ERBB4: variants seen among roughly 807,000 people sequenced by gnomAD.
ERBB4 encodes the protein receptor tyrosine-protein kinase erbB-4.
Under a neutral mutation model 158.0 loss-of-function variants are expected in ERBB4, and 42 were observed. The observed-to-expected ratio is 0.27, with a 90% CI of 0.21 to 0.34. ERBB4 has a LOEUF of 0.34. Ranked by LOEUF, ERBB4 falls within the 10% of genes least tolerant of loss-of-function variation. The probability of loss-of-function intolerance (pLI) is 1.00; values close to 1 mark genes in which losing one functional copy is unlikely to be tolerated. For synonymous variants in ERBB4, 583 were observed against 558.7 expected (o/e 1.04, Z -0.61); for missense variants, 1,333 against 1,624.1 (o/e 0.82, Z 3.08).
At chr2:211,762,002 AC>A (rs888479067) in intron 4 of ERBB4, among the ~76,000 whole-genome samples, 4 of 152,208 alleles carry the variant, frequency 2.6e-5, no homozygotes, top group Admixed American at 1.3e-4. Flanking sequence ...AGGTAATGAT[AC>A]CTACTTCACA....
intron 1 of ERBB4, among the ~76,000 whole-genome samples, chr2:212,296,314 G>A (rs2086408192): frequency 6.6e-6 from 1 of 151,726 alleles, no homozygotes; most frequent in South Asian, 2.1e-4. Context: ...GATAATATAG[G>A]AGAATTATAG....
rs565637245 is a variant in ERBB4 at position 211,455,589 on chromosome 2, A to G, written c.2488-24489T>C. ...CTCTCATAATTTGGGAGTGCAAATT[A>G]AAATGATTACTTAAGAATCAAAATG... is the stretch of plus-strand genomic sequence containing the variant. On this transcript the variant is annotated intron_variant, in intron 20 of 27. Transcript: ENST00000342788. Among the ~76,000 whole-genome samples the G allele has an allele frequency of 9.2e-5, 14 of 152,370 alleles. No individual in the cohort carries two copies. In the East Asian group the frequency reaches 1.5e-3, roughly 17 times the overall value.
chr2:211,840,455 C>T (rs759518488), intron 3 of ERBB4, among the ~76,000 whole-genome samples: 1 of 152,076 alleles, frequency 6.6e-6, no homozygotes, highest in Non-Finnish European at 1.5e-5. Context: ...CGTTTGCCCT[C>T]AGCATATCAC....
At chr2:211,514,502 A>G (rs1011269746) in intron 20 of ERBB4, among the ~76,000 whole-genome samples, 2 of 152,180 alleles carry the variant, frequency 1.3e-5, no homozygotes, top group African/African-American at 2.4e-5. Flanking sequence ...AGAAGTTGCC[A>G]TTCTCAAACA....
chr2:212,432,050 G>C (rs972457102), intron 1 of ERBB4, among the ~76,000 whole-genome samples: 5 of 152,128 alleles, frequency 3.3e-5, no homozygotes, highest in African/African-American at 1.2e-4. Flanking sequence ...AATGATTAGA[G>C]CATGTATTGA....
intron 12 of ERBB4, among the ~76,000 whole-genome samples, 198 bp downstream of exon 12, chr2:211,701,756 CAAAAAAAAAAAAA>C (rs71409856): frequency 6.0e-5 from 4 of 66,646 alleles, no homozygotes; most frequent in Non-Finnish European, 9.3e-5. Context: ...GACTCCGTCT[CAAAAAAAAAAAAA>C]AAAAAAAAAA....
At chr2:211,821,741 A>C (rs896841228) in intron 3 of ERBB4, among the ~76,000 whole-genome samples, 13 of 151,968 alleles carry the variant, frequency 8.6e-5, no homozygotes, top group Non-Finnish European at 1.6e-4. Flanking sequence ...AAGCTGCTAA[A>C]AATACACATT....
chr2:211,719,350 T>C (rs562413390), intron 7 of ERBB4, among the ~76,000 whole-genome samples: 1 of 152,314 alleles, frequency 6.6e-6, no homozygotes, highest in South Asian at 2.1e-4. Context: ...GGATTATTTT[T>C]TTCTCACCTG....
chr2:212,115,561 TAAAAG>T, intron 2 of ERBB4, among the ~76,000 whole-genome samples: 1 of 152,208 alleles, frequency 6.6e-6, no homozygotes, highest in African/African-American at 2.4e-5. Flanking sequence ...TGTTCCCAAA[TAAAAG>T]AAGTAAAGAA....
chr2:212,325,492 C>T (rs1347114294), intron 1 of ERBB4, among the ~76,000 whole-genome samples: 1 of 150,666 alleles, frequency 6.6e-6, no homozygotes, highest in Non-Finnish European at 1.5e-5. Flanking sequence ...ACAGTTATAA[C>T]AGAAATGCTT....
rs866027067 is a variant in ERBB4, at chr2:211,910,802, C to T, written c.421+36628G>A. Among the ~76,000 whole-genome samples the T allele has an allele frequency of 5.9e-5, 9 of 152,144 alleles. No individual in the cohort carries two copies. The South Asian group carries it at 1.7e-3, about 28-fold the overall frequency. ...TCCTATTATTCAGACGTTATCAGCA[C>T]TAGACCCATGTAACTAAAATGAATT... On this transcript the variant is annotated intron_variant, in intron 3 of 27. Transcript: ENST00000342788.
At position 211,750,631 on chromosome 2, in the gene ERBB4, A is replaced by G. The variant is rs772037618; in HGVS notation, c.622+8T>C. On this transcript the variant is annotated splice_region_variant and intron_variant, in intron 5 of 27. Coordinates refer to ENST00000342788, the MANE Select transcript of ERBB4 (RefSeq NM_005235.3). ...CAAACCTGTGTGCTCTCACTGATGA[A>G]CACTTACAAGTCTGGCAATGATTTT... The G allele has an allele frequency of 3.1e-6, 5 of 1,612,894 alleles. No homozygotes were observed. Among genetic ancestry groups the G allele is most frequent in the Non-Finnish European group, 4.2e-6 (5 of 1,178,880 alleles).
At chr2:211,532,369 C>T (rs939892847) in intron 20 of ERBB4, among the ~76,000 whole-genome samples, 3 of 152,002 alleles carry the variant, frequency 2.0e-5, no homozygotes, top group African/African-American at 4.8e-5. Context: ...TTATGCATTG[C>T]ATACCTGTAT....
intron 3 of ERBB4, among the ~76,000 whole-genome samples, chr2:211,795,359 C>T (rs1053393558): frequency 2.6e-5 from 4 of 151,682 alleles, no homozygotes; most frequent in Admixed American, 6.6e-5. Context: ...ATTGTACTCA[C>T]GGTATCTGTC....
intron 3 of ERBB4, among the ~76,000 whole-genome samples, chr2:211,860,281 T>G (rs773546907): frequency 5.3e-5 from 8 of 152,294 alleles, no homozygotes; most frequent in Admixed American, 2.6e-4. Flanking sequence ...TTACTCCAAT[T>G]ATTTTCTAAC....
At chr2:212,233,262 A>C (rs545549457) in intron 1 of ERBB4, among the ~76,000 whole-genome samples, 2 of 152,324 alleles carry the variant, frequency 1.3e-5, no homozygotes, top group Admixed American at 1.3e-4. Context: ...GGAAATTCAT[A>C]AATCTTGAAA....
chr2:211,661,006 T>G (rs1410787074), intron 15 of ERBB4, among the ~76,000 whole-genome samples: 1 of 152,022 alleles, frequency 6.6e-6, no homozygotes, highest in East Asian at 1.9e-4. Context: ...TTTTTGTGAG[T>G]TGAGAAGCAA....
rs138775307 is a variant in ERBB4, at chr2:211,400,518, C to G, written c.3136-12526G>C. ...AAATTTTATTTGAAGTAAAATAAGCCAGGCACAGAAGACAAACTTTGCATG... is the reference window on the plus strand; with the variant it reads ...AAATTTTATTTGAAGTAAAATAAGCGAGGCACAGAAGACAAACTTTGCATG... On this transcript the variant is annotated intron_variant, in intron 25 of 27. Transcript: ENST00000342788. Among the ~76,000 whole-genome samples the G allele has an allele frequency of 1.4e-3, 218 of 151,892 alleles. 4 individuals carry two copies. The East Asian group carries it at 0.039, about 27-fold the overall frequency.
At chr2:211,831,717 C>T (rs2077223881) in intron 3 of ERBB4, among the ~76,000 whole-genome samples, 1 of 151,980 alleles carries the variant, frequency 6.6e-6, no homozygotes, top group Admixed American at 6.6e-5. Context: ...GCCTGGCCAA[C>T]ATGGTGAAAC....
Sources: allele counts gnomAD v4.1 joint callset (sites outside exome capture counted in the v4.1 genomes callset), GRCh38; gene constraint gnomAD v4.1.1; transcripts MANE v1.5; gene names NCBI Gene and HGNC (gene_info 2026-07-23, HGNC 2026-07-21).